Variants in LHX4 observed in about 807,000 individuals in gnomAD.
LHX4 encodes LIM homeobox 4, also known as LIM/homeobox protein Lhx4.
A neutral mutation model predicts 39.2 loss-of-function variants in LHX4; 16 were observed. The ratio of observed to expected loss-of-function variants is 0.41; its 90% confidence interval spans 0.28 to 0.62. LHX4 has a LOEUF of 0.62. LHX4 is among the 20% of genes least tolerant of loss of function. The pLI, the probability that LHX4 is intolerant of heterozygous loss-of-function variation, is 0.33. For synonymous variants in LHX4, 206 were observed against 198.1 expected, an observed-to-expected ratio of 1.04 and a Z score of -0.33; for missense variants, 439 against 511.9, an observed-to-expected ratio of 0.86 and a Z score of 1.37.
At chr1:180,235,243 C>G (rs1410900379) in intron 1 of LHX4, among the ~76,000 whole-genome samples, 1 of 152,242 alleles carries the variant, frequency 6.6e-6, no homozygotes, top group African/African-American at 2.4e-5. Flanking sequence ...AGGTTCGCGC[C>G]CGTTTTCGGA....
chr1:180,242,772 G>A (rs940904011), intron 1 of LHX4, among the ~76,000 whole-genome samples: 4 of 151,984 alleles, frequency 2.6e-5, no homozygotes, highest in Non-Finnish European at 5.9e-5. Context: ...GCATCGTCAC[G>A]AAATGCTTAT....
rs555741789 is a variant in LHX4, at chr1:180,254,395, C to T, written c.248+5939C>T. Among the ~76,000 whole-genome samples the T allele has an allele frequency of 2.6e-5, 4 of 152,350 alleles. No homozygotes were observed. The South Asian group carries it at 8.3e-4, about 32-fold the overall frequency. On this transcript the variant is annotated intron_variant, in intron 2 of 5. Coordinates refer to ENST00000263726, the MANE Select transcript of LHX4 (RefSeq NM_033343.4). The stretch of plus-strand genomic sequence containing the variant: ...CTCTGCTCCCCGCGGTGCCCCTCCC[C>T]CAGCCTGCCAGTCTGCAGGCCGTAG...
chr1:180,274,292 G>A lies in LHX4; in HGVS notation c.886G>A (p.Gly296Arg). ...MNGSFSMDGT[G>R]QSYQDLRDGS... ...TGGGAGCTTCTCCATGGACGGGACA[G>A]GACAATCCTATCAGGACTTGAGGGA... is the stretch of plus-strand genomic sequence containing the variant. Residue 296 changes from glycine to arginine, a missense_variant, in exon 6 of 6, where the codon GGA (glycine) becomes AGA (arginine). Coordinates refer to ENST00000263726, the MANE Select transcript of LHX4 (RefSeq NM_033343.4). 1 of 1,614,224 alleles carries A rather than the reference G, an allele frequency of 6.2e-7. No homozygotes were observed. The highest frequency in any genetic ancestry group is 8.5e-7 in the Non-Finnish European group (1 of 1,180,032).
At position 180,234,172 on chromosome 1, in the gene LHX4, T is replaced by TATAC. The variant is rs1479656628; in HGVS notation, c.76+3570_76+3571insCATA. On this transcript the variant is annotated intron_variant, in intron 1 of 5. Transcript: ENST00000263726. The surrounding 1 kb of genome is among the most constrained non-coding windows in gnomAD (Gnocchi z 4.8). ...AGACACACACAACACACACAAATTA[T>TATAC]ATATATATATATATATATATATATA... 8.2e-4 allele frequency among the ~76,000 whole-genome samples: 5 copies of TATAC among 6,088 alleles called. No homozygotes were observed. Among genetic ancestry groups the TATAC allele is most frequent in the Non-Finnish European group, 1.4e-3 (4 of 2,920 alleles). The allele number at this position is 6,088 out of a possible 152,430, so 4.0% of individuals were successfully genotyped here.
rs935977918 is a variant in LHX4, at chr1:180,232,084, G to A, written c.76+1479G>A. ...GGAGATTCACTACGCCCCACACCCC[G>A]CACACAGGCAGGGACAGAGTGGGTT... On this transcript the variant is annotated intron_variant, in intron 1 of 5. Transcript: ENST00000263726. This position sits in a 1 kb window ranked among gnomAD's most constrained non-coding sequence, Gnocchi z 5.4. Among the ~76,000 whole-genome samples the A allele has an allele frequency of 6.6e-6, 1 of 152,144 alleles. No individual in the cohort carries two copies. Among genetic ancestry groups the A allele is most frequent in the Non-Finnish European group, 1.5e-5 (1 of 68,028 alleles).
intron 2 of LHX4, among the ~76,000 whole-genome samples, chr1:180,250,292 A>G (rs357076): frequency 0.43 from 64,456 of 151,078 alleles, 14,657 homozygotes; most frequent in African/African-American, 0.57. Flanking sequence ...CAGCTGTTAC[A>G]GGACCCTGGG....
chr1:180,238,422 A>T (rs1664374397), intron 1 of LHX4, among the ~76,000 whole-genome samples: 1 of 152,256 alleles, frequency 6.6e-6, no homozygotes, highest in Non-Finnish European at 1.5e-5. Context: ...AAAAAACTAG[A>T]AATTAGATAA....
At chr1:180,237,619 T>C (rs1381291437) in intron 1 of LHX4, among the ~76,000 whole-genome samples, 1 of 152,222 alleles carries the variant, frequency 6.6e-6, no homozygotes, top group Non-Finnish European at 1.5e-5. Flanking sequence ...GCTGTAATTT[T>C]GGTGGATTTC....
At chr1:180,264,140 A>AT (rs745617211) in intron 2 of LHX4, among the ~76,000 whole-genome samples, 1 of 151,722 alleles carries the variant, frequency 6.6e-6, no homozygotes, top group Non-Finnish European at 1.5e-5. Flanking sequence ...AATTTTTTGC[A>AT]TTTTTTGTAG....
intron 1 of LHX4, among the ~76,000 whole-genome samples, chr1:180,235,795 G>A (rs1664302479): frequency 6.6e-6 from 1 of 152,204 alleles, no homozygotes; most frequent in Non-Finnish European, 1.5e-5. Context: ...CGGGCCACCG[G>A]GTGCACTCAC....
chr1:180,250,547 G>A (rs1320071654), intron 2 of LHX4, among the ~76,000 whole-genome samples: 3 of 152,216 alleles, frequency 2.0e-5, no homozygotes, highest in Non-Finnish European at 4.4e-5. Flanking sequence ...CCGTCTCGGG[G>A]CAGGGTAGGT....
chr1:180,259,776 G>A (rs1170323222), intron 2 of LHX4, among the ~76,000 whole-genome samples: 2 of 151,692 alleles, frequency 1.3e-5, no homozygotes, highest in Non-Finnish European at 2.9e-5. Context: ...GCTGGGTAAG[G>A]AAGGAGGGAA....
chr1:180,271,301 G>T (rs1648639557), intron 3 of LHX4, 79 bp from the exon 4 acceptor site: 10 of 1,518,918 alleles, frequency 6.6e-6, no homozygotes, highest in Non-Finnish European at 4.6e-6. Flanking sequence ...GGTGCAGAAA[G>T]GATGGAAGGG....
At position 180,274,948 on chromosome 1, in the gene LHX4, G is replaced by A. The variant is rs1457556466; in HGVS notation, c.*369G>A. 3 of 199,788 alleles carry A rather than the reference G, an allele frequency of 1.5e-5. 1 individual carries two copies. Among genetic ancestry groups the A allele is most frequent in the Non-Finnish European group, 1.0e-5 (1 of 97,506 alleles). 12.4% of individuals were successfully genotyped at this position (199,788 alleles called of 1,614,324 possible). A position where few individuals can be genotyped will look rare whatever the true frequency, so the allele number is the denominator to read the frequency against. On this transcript the variant is annotated 3_prime_UTR_variant, in exon 6 of 6. Coordinates refer to ENST00000263726, the MANE Select transcript of LHX4 (RefSeq NM_033343.4). ...CTTTGGGAACTTTGCTCCAACTGGTGTGTCTCACACAATGCCTCCCAAAAC... is the reference window on the plus strand; with the variant it reads ...CTTTGGGAACTTTGCTCCAACTGGTATGTCTCACACAATGCCTCCCAAAAC...
chr1:180,237,160 G>T (rs1350125264), intron 1 of LHX4, among the ~76,000 whole-genome samples: 1 of 150,946 alleles, frequency 6.6e-6, no homozygotes, highest in Non-Finnish European at 1.5e-5. Context: ...CAAAATCTTT[G>T]CAGGGAGAAA....
intron 2 of LHX4, among the ~76,000 whole-genome samples, chr1:180,250,801 G>A (rs1455650428): frequency 3.9e-5 from 6 of 152,206 alleles, no homozygotes; most frequent in Admixed American, 3.9e-4. Flanking sequence ...GCGCAGGCGT[G>A]GGGTTGGGTT....
intron 1 of LHX4, among the ~76,000 whole-genome samples, chr1:180,235,464 C>T (rs2149252355): frequency 1.3e-5 from 2 of 152,344 alleles, no homozygotes; most frequent in African/African-American, 4.8e-5. Flanking sequence ...TTTGGAATGA[C>T]AAAATTAAAC....
intron 2 of LHX4, among the ~76,000 whole-genome samples, chr1:180,249,209 C>T (rs1207551040): frequency 6.6e-6 from 1 of 152,232 alleles, no homozygotes; most frequent in African/African-American, 2.4e-5. Flanking sequence ...ATCAAGTCCT[C>T]AGGACAGTGC....
chr1:180,231,478 C>G (rs1424889105), intron 1 of LHX4, among the ~76,000 whole-genome samples: 1 of 151,258 alleles, frequency 6.6e-6, no homozygotes, highest in Non-Finnish European at 1.5e-5. Context: ...CGAAGGGAAT[C>G]CGTCTCTGTG....
Sources: gnomAD v4.1 joint callset for allele counts (sites outside exome capture counted in the v4.1 genomes callset) on GRCh38, gnomAD v4.1.1 for gene constraint, Gnocchi (gnomAD v3.1) non-coding constraint, MANE v1.5 for transcripts, NCBI Gene and HGNC (gene_info 2026-07-23, HGNC 2026-07-21) for gene names.